The following NPIPB11 variants were observed in gnomAD, a reference collection of about 807,000 sequenced individuals.
The protein encoded by NPIPB11 is nuclear pore complex-interacting protein family member B11.
NPIPB11 carries 17 observed loss-of-function variants against 32.8 expected under a neutral mutation model. The ratio of observed to expected loss-of-function variants is 0.52; its 90% CI spans 0.35 to 0.78. NPIPB11 has a LOEUF of 0.78. Among genes scored for constraint, NPIPB11 ranks in the 30% least tolerant of loss-of-function variants. The pLI is 0.01. For synonymous variants in NPIPB11, 209 were observed against 398.4 expected, an observed-to-expected ratio of 0.52 and a Z score of 5.66; for missense variants, 537 against 1,000.4, an observed-to-expected ratio of 0.54 and a Z score of 6.25.
rs570110997 is a variant in NPIPB11, at chr16:29,399,628, G to A, written c.120+4055C>T. Among the ~76,000 whole-genome samples the A allele has an allele frequency of 3.3e-5, 5 of 152,006 alleles. No homozygotes were observed. The East Asian group carries it at 9.6e-4, about 29-fold the overall frequency. ...CAGGAGAATAGTTTGAACCCAGGAG[G>A]CAGAGTCTGCAGTGAGCCGAGATTG... On this transcript the variant is annotated intron_variant, in intron 2 of 7. Transcript: ENST00000524087.
At chr16:29,405,878 C>A (rs1964102860), upstream of NPIPB11, among the ~76,000 whole-genome samples, 1 of 152,228 alleles carries the variant, frequency 6.6e-6, no homozygotes, top group Admixed American at 6.5e-5. Flanking sequence ...TAACCCTGTA[C>A]ACACTCTTCC....
At chr16:29,397,972 G>A (rs1258060316) in intron 2 of NPIPB11, among the ~76,000 whole-genome samples, 32 of 95,036 alleles carry the variant, frequency 3.4e-4, no homozygotes, top group African/African-American at 1.3e-3. Context: ...GCAAGGGAGC[G>A]TGAGGCTTAG....
upstream of NPIPB11, among the ~76,000 whole-genome samples, chr16:29,406,408 G>T (rs1211314372): frequency 6.6e-6 from 1 of 152,228 alleles, no homozygotes; most frequent in Non-Finnish European, 1.5e-5. Context: ...GTTTGCTAAA[G>T]TTATATTTGT....
chr16:29,383,005 G>A (rs1296922787), exon 8 of NPIPB11: 1 of 1,606,228 alleles, frequency 6.2e-7, no homozygotes, highest in Non-Finnish European at 8.5e-7. Context: ...CTCGGAAGGT[G>A]TCTTGAGATT....
intron 2 of NPIPB11, among the ~76,000 whole-genome samples, chr16:29,400,423 G>T (rs1567275704): frequency 1.3e-5 from 2 of 150,768 alleles, no homozygotes; most frequent in African/African-American, 2.4e-5. Context: ...GTGTGACCCT[G>T]GGCTGGTTTC....
chr16:29,391,554 C>A (rs1375324458), intron 3 of NPIPB11, among the ~76,000 whole-genome samples: 1 of 149,896 alleles, frequency 6.7e-6, no homozygotes, highest in African/African-American at 2.5e-5. Flanking sequence ...TTGAACTTAA[C>A]GCAAAACATT....
upstream of NPIPB11, among the ~76,000 whole-genome samples, chr16:29,406,464 T>C (rs1964116464): frequency 6.6e-6 from 1 of 152,236 alleles, no homozygotes; most frequent in African/African-American, 2.4e-5. Context: ...ATGCCTGTAA[T>C]CCCAGCACTT....
chr16:29,391,344 CATCTT>C (rs565295149), intron 3 of NPIPB11, among the ~76,000 whole-genome samples: 114 of 147,714 alleles, frequency 7.7e-4, no homozygotes, highest in African/African-American at 2.4e-3. Flanking sequence ...TGGTAATTAT[CATCTT>C]ATAAGTATTT....
intron 3 of NPIPB11, among the ~76,000 whole-genome samples, chr16:29,392,121 G>T (rs986795858): frequency 1.3e-5 from 2 of 151,288 alleles, no homozygotes; most frequent in African/African-American, 2.4e-5. Context: ...AGAAGCAATG[G>T]GTAATCTAAA....
chr16:29,401,231 C>G (rs1963984295), intron 2 of NPIPB11, among the ~76,000 whole-genome samples: 1 of 152,036 alleles, frequency 6.6e-6, no homozygotes, highest in Non-Finnish European at 1.5e-5. Context: ...AAAAATAGTG[C>G]CTGGATTTAA....
intron 2 of NPIPB11, among the ~76,000 whole-genome samples, chr16:29,396,874 A>C (rs1963866651): frequency 6.7e-6 from 1 of 149,492 alleles, no homozygotes; most frequent in Admixed American, 6.7e-5. Context: ...TATTTTGGCC[A>C]GGCGCGGTGG....
At chr16:29,400,883 G>T (rs113452182) in intron 2 of NPIPB11, among the ~76,000 whole-genome samples, 1 of 151,690 alleles carries the variant, frequency 6.6e-6, no homozygotes, top group Admixed American at 6.6e-5. Flanking sequence ...GAGTCACCAA[G>T]TCTGGCTGAC....
At chr16:29,383,091 A>G (rs760049812) in exon 8 of NPIPB11, 9 of 1,595,332 alleles carry the variant, frequency 5.6e-6, no homozygotes, top group Non-Finnish European at 7.7e-6. Flanking sequence ...CTGAGGGTGG[A>G]GCTGAGGGTG....
At chr16:29,383,172 A>G (rs1390487258) in exon 8 of NPIPB11, 3 of 1,590,828 alleles carry the variant, frequency 1.9e-6, no homozygotes, top group Non-Finnish European at 2.6e-6. Context: ...GCGGAACTGC[A>G]GATGCTCGGC....
At chr16:29,395,515 T>C (rs1963831057) in intron 2 of NPIPB11, among the ~76,000 whole-genome samples, 1 of 109,690 alleles carries the variant, frequency 9.1e-6, no homozygotes, top group Non-Finnish European at 1.8e-5. Context: ...ATGTATAACA[T>C]TGGATGCATT....
intron 3 of NPIPB11, among the ~76,000 whole-genome samples, chr16:29,390,957 G>A (rs1323039401): frequency 3.4e-5 from 3 of 89,340 alleles, no homozygotes; most frequent in African/African-American, 1.6e-4. Context: ...AATTGAAACT[G>A]TCTCAAAAAA....
In NPIPB11 at chr16:29,402,736, G is replaced by C. The variant is rs1185845382; in HGVS notation, c.120+947C>G. Among the ~76,000 whole-genome samples, 351 of 139,346 alleles carry C rather than the reference G, an allele frequency of 2.5e-3. 3 individuals carry two copies. Among genetic ancestry groups the C allele is most frequent in the African/African-American group, 9.9e-3 (305 of 30,784 alleles). The allele number at this position is 139,346 out of a possible 152,430, so 91.4% of individuals were successfully genotyped here. On this transcript the variant is annotated intron_variant, in intron 2 of 7. Transcript: ENST00000524087. ...TCTCTCTCTCTCTCTGTGTGTGTGT[G>C]TGTGTGTGTGTGTGTGTGTGTGTGT...
chr16:29,394,001 C>G (rs1963786140), exon 3 of NPIPB11: 1 of 1,599,444 alleles, frequency 6.3e-7, no homozygotes, highest in Non-Finnish European at 8.5e-7. Flanking sequence ...GTCGGAAACG[C>G]AATAATAATA....
chr16:29,390,692 A>T (rs373882013), intron 3 of NPIPB11, among the ~76,000 whole-genome samples: 1 of 150,840 alleles, frequency 6.6e-6, no homozygotes, highest in East Asian at 2.0e-4. Context: ...AGGCTGGCAC[A>T]GTGGCTCACT....
Sources: allele counts gnomAD v4.1 joint callset (sites outside exome capture counted in the v4.1 genomes callset), GRCh38; gene constraint gnomAD v4.1.1; transcripts MANE v1.5; gene names NCBI Gene and HGNC (gene_info 2026-07-23, HGNC 2026-07-21).